LRRIQ3: variants seen among roughly 807,000 people sequenced by gnomAD.
LRRIQ3 encodes the protein leucine rich repeats and IQ motif containing 3, also known as leucine-rich repeat and IQ domain-containing protein 3.
In LRRIQ3, 75 loss-of-function variants were observed where a neutral mutation model predicts 59.3. That is an observed-to-expected ratio of 1.26 (90% CI 1.05 to 1.53). The LOEUF (loss-of-function observed/expected upper bound fraction) is 1.53, where lower values mean the gene tolerates loss of function less well. Ranked by LOEUF, LRRIQ3 falls within the 40% of genes most tolerant of loss-of-function variation. LRRIQ3 has a pLI of 0.00. For missense variants in LRRIQ3, 831 were observed against 710.0 expected (o/e 1.17, Z -1.94); for synonymous variants, 250 against 231.3 (o/e 1.08, Z -0.73).
intron 4 of LRRIQ3, among the ~76,000 whole-genome samples, chr1:74,137,105 CAT>C (rs1647136267): frequency 6.6e-6 from 1 of 151,716 alleles, no homozygotes; most frequent in Admixed American, 6.6e-5. Flanking sequence ...AAATAAAAAT[CAT>C]ATATACCTAA....
Position 74,026,823 on chromosome 1 carries a change from A to G in LRRIQ3, c.1865T>C (p.Leu622Pro), listed in dbSNP as rs1197297429. 6.2e-6 allele frequency: 10 copies of G among 1,601,048 alleles called. No individual in the cohort carries two copies. The highest frequency in any genetic ancestry group is 8.5e-6 in the Non-Finnish European group (10 of 1,175,638). The change falls in exon 8 of 8, where the codon CTG becomes CCG. Residue 622 changes from leucine to proline, a missense_variant. Leu to Pro is a moderately conservative substitution (Grantham distance 98). Transcript: ENST00000354431. ...TGATCTGGCATTGATTCATTTTATC[A>G]GTCCATTGGGAACTTTAAAGTCTAA... Reference protein sequence around the residue: ...TNLDFKVPNGLIK With the variant: ...TNLDFKVPNGPIK
intron 5 of LRRIQ3, chr1:74,078,705 T>C (rs1646236976): frequency 6.6e-6 from 1 of 151,762 alleles, no homozygotes; most frequent in African/African-American, 2.4e-5. Context: ...TATCTTCAGA[T>C]GATTTTGGAT....
rs541496561 is a variant in LRRIQ3 at position 74,191,308 on chromosome 1, G to T, written c.-1+6688C>A. ...TAAGAAATGTTAAAAGAAGTTCTGAGAGAAGAGAAATGATATAGGTCAGAT... is the reference window on the plus strand; with the variant it reads ...TAAGAAATGTTAAAAGAAGTTCTGATAGAAGAGAAATGATATAGGTCAGAT... On this transcript the variant is annotated intron_variant, in intron 1 of 7. Transcript: ENST00000354431. Among the ~76,000 whole-genome samples the T allele has an allele frequency of 2.3e-4, 35 of 152,180 alleles. 1 individual carries two copies. The highest frequency in any genetic ancestry group is 4.1e-4 in the Non-Finnish European group (28 of 67,974).
intron 4 of LRRIQ3, among the ~76,000 whole-genome samples, chr1:74,115,870 G>A (rs1204107005): frequency 6.6e-6 from 1 of 151,980 alleles, no homozygotes; most frequent in Admixed American, 6.6e-5. Context: ...GTTGGAACAG[G>A]TGTTAAAACA....
chr1:74,072,757 C>T (rs1308854039), intron 6 of LRRIQ3, among the ~76,000 whole-genome samples: 1 of 152,042 alleles, frequency 6.6e-6, no homozygotes, highest in Non-Finnish European at 1.5e-5. Flanking sequence ...ATTTAATCCA[C>T]AGTCATTCAC....
intron 5 of LRRIQ3, among the ~76,000 whole-genome samples, chr1:74,092,496 C>T (rs999857041): frequency 1.3e-5 from 2 of 151,780 alleles, no homozygotes; most frequent in African/African-American, 2.4e-5. Flanking sequence ...AGCTGGTGAC[C>T]CTTGTTATTA....
At chr1:74,191,449 A>C (rs1043440553) in intron 1 of LRRIQ3, among the ~76,000 whole-genome samples, 1 of 152,150 alleles carries the variant, frequency 6.6e-6, no homozygotes, top group African/African-American at 2.4e-5. Flanking sequence ...AATAGCAACT[A>C]GTTTTATTTT....
rs112084375 is a variant in LRRIQ3 at position 74,080,962 on chromosome 1, C to G, written c.868-6172G>C. 5.3e-5 allele frequency among the ~76,000 whole-genome samples: 8 copies of G among 151,550 alleles called. No individual in the cohort carries two copies. The East Asian group carries it at 1.6e-3, about 29-fold the overall frequency. On this transcript the variant is annotated intron_variant, in intron 5 of 7. Coordinates refer to ENST00000354431, the MANE Select transcript of LRRIQ3 (RefSeq NM_001105659.2). ...ACAAGAAAAACCATGGAGAAAGGAG[C>G]ATGGTTCAAATGGTTTAAAATGAAG...
intron 6 of LRRIQ3, among the ~76,000 whole-genome samples, chr1:74,064,726 A>G (rs1481914946): frequency 6.6e-6 from 1 of 152,010 alleles, no homozygotes; most frequent in Non-Finnish European, 1.5e-5. Context: ...CTTGGTTGAT[A>G]GTTTTCTTTC....
chr1:74,074,539 A>G (rs1260534459), intron 6 of LRRIQ3, 122 bp downstream of exon 6: 1 of 382,482 alleles, frequency 2.6e-6, no homozygotes, highest in African/African-American at 2.1e-5. Context: ...AGAAGTCTCA[A>G]CATATATTTC....
chr1:74,066,187 G>GAAAAAAAAAAAAAAA (rs71772871), intron 6 of LRRIQ3, among the ~76,000 whole-genome samples: 1 of 119,886 alleles, frequency 8.3e-6, no homozygotes. Flanking sequence ...ACTCTGTCTC[G>GAAAAAAAAAAAAAAA]AAAAAAAAAA....
intron 6 of LRRIQ3, among the ~76,000 whole-genome samples, chr1:74,046,710 C>T (rs1209504013): frequency 6.6e-6 from 1 of 151,844 alleles, no homozygotes; most frequent in African/African-American, 2.4e-5. Context: ...CTGATGTAGG[C>T]CTAATATCCA....
At chr1:74,075,181 C>G (rs1646190077) in intron 5 of LRRIQ3, among the ~76,000 whole-genome samples, 1 of 151,922 alleles carries the variant, frequency 6.6e-6, no homozygotes, top group Non-Finnish European at 1.5e-5. Context: ...TTTCACAGAG[C>G]ACTAAAAGGC....
rs576811410 is a variant in LRRIQ3, at chr1:74,155,875, A to G, written c.574-9T>C. 1 of 1,253,782 alleles carries G rather than the reference A, an allele frequency of 8.0e-7. No homozygotes were observed. Among genetic ancestry groups the G allele is most frequent in the African/African-American group, 1.6e-5 (1 of 63,498 alleles). The allele number at this position is 1,253,782 out of a possible 1,614,324, so 77.7% of individuals were successfully genotyped here. A position where few individuals can be genotyped will look rare whatever the true frequency, so the allele number is the denominator to read the frequency against. ...TCTTCATAGGTTGTTCCCTGTATAA[A>G]GAAAATATAATTAATAATTTTTATC... On this transcript the variant is annotated splice_polypyrimidine_tract_variant and intron_variant, in intron 3 of 7. Transcript: ENST00000354431.
intron 7 of LRRIQ3, among the ~76,000 whole-genome samples, chr1:74,032,885 T>A (rs1384881): frequency 1 from 151,952 of 151,990 alleles, 75,957 homozygotes; most frequent in Non-Finnish European, 1. Context: ...ATTAGCTTTT[T>A]ACAGAAAAAT....
At chr1:74,124,095 TTA>T (rs1035164731) in intron 4 of LRRIQ3, among the ~76,000 whole-genome samples, 8 of 152,086 alleles carry the variant, frequency 5.3e-5, no homozygotes, top group African/African-American at 1.9e-4. Context: ...TAGCTTTGAT[TTA>T]TGTTTTTCTG....
At chr1:74,120,292 A>C (rs759540497) in intron 4 of LRRIQ3, among the ~76,000 whole-genome samples, 1 of 151,664 alleles carries the variant, frequency 6.6e-6, no homozygotes, top group African/African-American at 2.4e-5. Context: ...TCGTTTTTGT[A>C]TTTTTAGTAG....
At chr1:74,044,654 T>C (rs1654147242) in intron 6 of LRRIQ3, among the ~76,000 whole-genome samples, 1 of 151,758 alleles carries the variant, frequency 6.6e-6, no homozygotes, top group Admixed American at 6.6e-5. Context: ...AAAAAACCCT[T>C]CAAAAAATCA....
rs572367420 is a variant in LRRIQ3 at position 74,104,770 on chromosome 1, C to T, written c.867+4624G>A. On this transcript the variant is annotated intron_variant, in intron 5 of 7. Transcript: ENST00000354431. ...ACATACAATTATACATTTGACAAAA[C>T]CCATAAAGTGTACAACACCAACAAT... Among the ~76,000 whole-genome samples the T allele has an allele frequency of 3.9e-5, 6 of 152,048 alleles. No individual in the cohort carries two copies. The East Asian group carries it at 1.2e-3, about 29-fold the overall frequency.
Sources: allele counts gnomAD v4.1 joint callset (sites outside exome capture counted in the v4.1 genomes callset), GRCh38; gene constraint gnomAD v4.1.1; transcripts MANE v1.5; gene names NCBI Gene and HGNC (gene_info 2026-07-23, HGNC 2026-07-21).